The following HSPG2 variants were observed in gnomAD, a reference collection of about 807,000 sequenced individuals.
HSPG2 encodes basement membrane-specific heparan sulfate proteoglycan core protein.
A neutral mutation model predicts 526.6 loss-of-function variants in HSPG2; 278 were observed. That is an observed-to-expected ratio of 0.53 (90% CI 0.48 to 0.58). The LOEUF (loss-of-function observed/expected upper bound fraction) is 0.58. HSPG2 is among the 20% of genes least tolerant of loss of function. The probability of loss-of-function intolerance (pLI) is 0.00; values close to 1 mark genes in which losing one functional copy is unlikely to be tolerated. For synonymous variants in HSPG2, 2,465 were observed against 2,555.4 expected (o/e 0.96, Z 1.07); for missense variants, 5,354 against 6,099.5 (o/e 0.88, Z 4.07).
intron 1 of HSPG2, among the ~76,000 whole-genome samples, chr1:21,935,303 G>A (rs1382968949): frequency 6.6e-6 from 1 of 152,220 alleles, no homozygotes; most frequent in Non-Finnish European, 1.5e-5. Flanking sequence ...GACCCTCCAT[G>A]TGTTGCTGAG....
At position 21,824,348 on chromosome 1, in the gene HSPG2, TCCTTGCCTTGG is replaced by T; in HGVS notation, c.12762_12772del (p.Gln4255LeufsTer19). 1 of 1,613,814 alleles carries T rather than the reference TCCTTGCCTTGG, an allele frequency of 6.2e-7. No individual in the cohort carries two copies. The highest frequency in any genetic ancestry group is 2.2e-5 in the East Asian group (1 of 44,880). Reference sequence around the variant, plus strand: ...GTCTTGAAGCCCGAGGCTGATGAAGTCCTTGCCTTGGCCGGCCTCTCCCACCTCCTGCCAGG... The same window carrying T: ...GTCTTGAAGCCCGAGGCTGATGAAGTCCGGCCTCTCCCACCTCCTGCCAGG... On this transcript the variant is annotated frameshift_variant, in exon 94 of 97. Coordinates refer to ENST00000374695, the MANE Select transcript of HSPG2 (RefSeq NM_005529.7). LOFTEE classifies it high-confidence loss of function. This position sits in a 1 kb window ranked among gnomAD's most constrained non-coding sequence, Gnocchi z 5.9.
rs1362303316 is a variant in HSPG2, at chr1:21,865,050, C to T, written c.4419G>A (p.Gly1473=). The T allele has an allele frequency of 6.4e-7, 1 of 1,566,654 alleles. No homozygotes were observed. The highest frequency in any genetic ancestry group is 8.6e-7 in the Non-Finnish European group (1 of 1,159,106). ...FREEFWRRPD[G]QPATREHLLM... is the part of the protein sequence containing the mutation. ...GGAGGTGCTCGCGTGTGGCCGGCTG[C>T]CCATCGGGCCGGCGCCAGAATTCCT... Residue 1473 remains glycine, a synonymous_variant, in exon 36 of 97, where the codon GGG becomes GGA. Coordinates refer to ENST00000374695, the MANE Select transcript of HSPG2 (RefSeq NM_005529.7). The surrounding 1 kb of genome is among the most constrained non-coding windows in gnomAD (Gnocchi z 5.4).
At chr1:21,874,359 G>A (rs775890756) in intron 28 of HSPG2, 47 bp downstream of exon 28, 1 of 1,608,678 alleles carries the variant, frequency 6.2e-7, no homozygotes, top group Admixed American at 1.7e-5. Context: ...GGGAGCGGGT[G>A]GTAGACATTT....
intron 50 of HSPG2, 104 bp downstream of exon 50, chr1:21,854,089 T>C: frequency 7.7e-7 from 1 of 1,298,594 alleles, no homozygotes; most frequent in Admixed American, 2.6e-5. Context: ...GGTCAAAGCC[T>C]GCCTGGAATG....
intron 1 of HSPG2, chr1:21,908,103 G>C: frequency 1.2e-6 from 1 of 802,846 alleles, no homozygotes; most frequent in South Asian, 1.3e-5. Context: ...CCAAAATGAC[G>C]AACACAAAGG....
chr1:21,916,609 G>A (rs1002443035), intron 1 of HSPG2, among the ~76,000 whole-genome samples: 1 of 150,366 alleles, frequency 6.7e-6, no homozygotes, highest in Non-Finnish European at 1.5e-5. Context: ...GGAGAATTGC[G>A]TGAACCCAGG....
rs769973508 is a variant in HSPG2 at position 21,831,721 on chromosome 1, G to A, written c.11283C>T (p.Thr3761=). The change falls in exon 82 of 97, where the codon ACC becomes ACT. Residue 3761 remains threonine (T), a synonymous_variant. Transcript: ENST00000374695. ...PLALGHFHTV[T]LLRSLTQGSL... is the part of the protein sequence containing the mutation. ...AGCCCTGGGTGAGGCTGCGCAGCAG[G>A]GTCACGGTGTGGAAATGGCCCAGGG... is the stretch of plus-strand genomic sequence containing the variant. 5 of 1,606,400 alleles carry A rather than the reference G, an allele frequency of 3.1e-6. No homozygotes were observed. The African/African-American group carries it at 5.3e-5, about 17-fold the overall frequency.
rs531691251 is a variant in HSPG2 at position 21,850,467 on chromosome 1, G to A, written c.7190C>T (p.Ala2397Val). ...GTACTCGCCCGAGTCGGCGGGGGACGCTTGGTAGAGTCTCAGCAGGGAGCC... is the reference window on the plus strand; with the variant it reads ...GTACTCGCCCGAGTCGGCGGGGGACACTTGGTAGAGTCTCAGCAGGGAGCC... The part of the protein sequence containing the change: ...THGSLLRLYQ[A>V]SPADSGEYVC... The change falls in exon 56 of 97, where the codon GCG (alanine) becomes GTG (valine). Residue 2397 changes from alanine to valine, a missense_variant. Coordinates refer to ENST00000374695, the MANE Select transcript of HSPG2 (RefSeq NM_005529.7). The A allele has an allele frequency of 9.3e-6, 15 of 1,611,956 alleles. No individual in the cohort carries two copies. The East Asian group carries it at 1.3e-4, about 14-fold the overall frequency.
chr1:21,885,874 C>T (rs979031218), intron 9 of HSPG2, among the ~76,000 whole-genome samples: 2 of 152,248 alleles, frequency 1.3e-5, no homozygotes, highest in Non-Finnish European at 2.9e-5. Context: ...GTGTGGTCCC[C>T]TGAGGGGCTC....
At chr1:21,911,314 T>C (rs958263136) in intron 1 of HSPG2, among the ~76,000 whole-genome samples, 1 of 152,178 alleles carries the variant, frequency 6.6e-6, no homozygotes. Context: ...GCTCCACAGC[T>C]GCTGACAACA....
intron 1 of HSPG2, among the ~76,000 whole-genome samples, chr1:21,935,660 C>T (rs773848463): frequency 3.3e-5 from 5 of 152,210 alleles, no homozygotes; most frequent in African/African-American, 7.2e-5. Flanking sequence ...GCCATCCTAC[C>T]GCACCCGGGC....
chr1:21,835,432 T>G (rs1200108191), intron 76 of HSPG2, 108 bp downstream of exon 76: 1 of 771,698 alleles, frequency 1.3e-6, no homozygotes, highest in Non-Finnish European at 2.3e-6. Flanking sequence ...CTCTTTATTC[T>G]GACACATTTA....
intron 6 of HSPG2, 178 bp downstream of exon 6, chr1:21,889,803 A>G (rs919250465): frequency 5.9e-6 from 4 of 682,904 alleles, no homozygotes; most frequent in African/African-American, 1.8e-5. Flanking sequence ...GTGCTAGAGG[A>G]AACAGTCTGT....
intron 64 of HSPG2, 124 bp from the exon 65 acceptor site, chr1:21,844,423 A>G (rs898496059): frequency 2.7e-6 from 3 of 1,116,280 alleles, no homozygotes; most frequent in African/African-American, 1.5e-5. Flanking sequence ...TTCCCGTTCC[A>G]TTGAGGCCTG....
At chr1:21,849,758 C>A (rs1638739284) in intron 57 of HSPG2, among the ~76,000 whole-genome samples, 1 of 152,142 alleles carries the variant, frequency 6.6e-6, no homozygotes, top group Non-Finnish European at 1.5e-5. Context: ...CGGCTCACTG[C>A]AACCTCCGCC....
In HSPG2 at chr1:21,878,600, G is replaced by A. The variant is rs1051740504; in HGVS notation, c.2535C>T (p.Gly845=). The change falls in exon 19 of 97, where the codon GGC becomes GGT. Residue 845 remains glycine (G), a synonymous_variant. Transcript: ENST00000374695. ...ACCTCTCACAGCGGCGGCCAGTGTAGCCTGGGGCACAGGCGTCACATGTGG... is the reference window on the plus strand; with the variant it reads ...ACCTCTCACAGCGGCGGCCAGTGTAACCTGGGGCACAGGCGTCACATGTGG... ...GQATCDACAP[G]YTGRRCESCA... The A allele has an allele frequency of 6.2e-7, 1 of 1,614,016 alleles. No individual in the cohort carries two copies. The highest frequency in any genetic ancestry group is 1.3e-5 in the African/African-American group (1 of 74,920).
intron 75 of HSPG2, 139 bp downstream of exon 75, chr1:21,836,663 C>G (rs1341534079): frequency 2.7e-5 from 21 of 764,224 alleles, no homozygotes; most frequent in Non-Finnish European, 4.0e-5. Flanking sequence ...GCTGAGAACA[C>G]TGAGGCTCAG....
intron 33 of HSPG2, among the ~76,000 whole-genome samples, chr1:21,868,682 CA>C (rs1236479475): frequency 1.3e-5 from 2 of 150,416 alleles, no homozygotes; most frequent in African/African-American, 2.5e-5. Flanking sequence ...GGCCAGGGGT[CA>C]GGGGTCAGGG....
At chr1:21,833,233 G>A (rs1212308357) in intron 80 of HSPG2, 35 bp downstream of exon 80, 1 of 1,571,874 alleles carries the variant, frequency 6.4e-7, no homozygotes, top group Non-Finnish European at 8.8e-7. Flanking sequence ...CTCAACCCAG[G>A]CCAGCCCACC....
Sources: allele counts gnomAD v4.1 joint callset (sites outside exome capture counted in the v4.1 genomes callset), GRCh38; gene constraint gnomAD v4.1.1; non-coding constraint Gnocchi (gnomAD v3.1); transcripts MANE v1.5; gene names NCBI Gene and HGNC (gene_info 2026-07-23, HGNC 2026-07-21).